The following SEMA6A variants were observed in gnomAD, a reference collection of about 807,000 sequenced individuals.
SEMA6A encodes semaphorin 6A.
SEMA6A carries 25 observed loss-of-function variants against 96.8 expected under a neutral mutation model. That is an observed-to-expected ratio of 0.26 (90% CI 0.19 to 0.36). The LOEUF is 0.36. Among genes scored for constraint, SEMA6A ranks in the 10% least tolerant of loss-of-function variants. The probability of loss-of-function intolerance (pLI) is 1.00; values close to 1 mark genes in which losing one functional copy is unlikely to be tolerated. For missense variants in SEMA6A, 1,363 were observed against 1,323.1 expected (o/e 1.03, Z -0.47); for synonymous variants, 612 against 518.0 (o/e 1.18, Z -2.46).
intron 18 of SEMA6A, among the ~76,000 whole-genome samples, chr5:116,465,639 G>T (rs890232545): frequency 6.6e-6 from 1 of 152,154 alleles, no homozygotes; most frequent in Non-Finnish European, 1.5e-5. Context: ...GAACAATGCC[G>T]AATTTTAAAA....
intron 18 of SEMA6A, 91 bp from the exon 19 acceptor site, chr5:116,447,902 TAGTA>T: frequency 9.4e-7 from 1 of 1,062,456 alleles, no homozygotes; most frequent in Non-Finnish European, 1.3e-6. Flanking sequence ...TTAATAACAG[TAGTA>T]AGTGACAACA....
intron 12 of SEMA6A, 86 bp downstream of exon 12, chr5:116,480,036 C>A: frequency 6.8e-7 from 1 of 1,472,358 alleles, no homozygotes. Context: ...ATGTTTGTGG[C>A]ATTTCAAAGC....
At chr5:116,491,422 TA>T (rs1357112525) in intron 7 of SEMA6A, among the ~76,000 whole-genome samples, 2 of 76,738 alleles carry the variant, frequency 2.6e-5, no homozygotes, top group East Asian at 9.4e-4. Context: ...ATTTTAAATT[TA>T]ATTTTTTTTT....
intron 16 of SEMA6A, among the ~76,000 whole-genome samples, chr5:116,474,228 A>G (rs1202868920): frequency 6.6e-6 from 1 of 152,050 alleles, no homozygotes; most frequent in Non-Finnish European, 1.5e-5. Flanking sequence ...TATGATGAAA[A>G]TAGCTCATTA....
rs76319487 is a variant in SEMA6A, at chr5:116,480,319, C to T, written c.1095-42G>A. The T allele has an allele frequency of 7.5e-3, 12,106 of 1,608,420 alleles. 474 individuals are homozygous for T. The Admixed American group carries it at 0.092, about 12-fold the overall frequency. Reference sequence around the variant, plus strand: ...GGTGAGGAAGGAGGGAGCTTATTTTCTGCCTTATGGCAAATTCTTTGAATG... The same window carrying T: ...GGTGAGGAAGGAGGGAGCTTATTTTTTGCCTTATGGCAAATTCTTTGAATG... On this transcript the variant is annotated intron_variant, in intron 11 of 18. Coordinates refer to ENST00000343348, the MANE Select transcript of SEMA6A (RefSeq NM_020796.5).
At chr5:116,484,625 GA>G (rs199657241) in intron 10 of SEMA6A, among the ~76,000 whole-genome samples, 27 of 146,116 alleles carry the variant, frequency 1.8e-4, no homozygotes, top group Admixed American at 1.2e-3. Context: ...TCCGTCTCAG[GA>G]AAAAAAAAAT....
chr5:116,567,652 A>G (rs1761068609), intron 1 of SEMA6A, among the ~76,000 whole-genome samples: 1 of 152,222 alleles, frequency 6.6e-6, no homozygotes, highest in Non-Finnish European at 1.5e-5. Context: ...GTAAATGGCA[A>G]AACAAATCCA....
intron 1 of SEMA6A, among the ~76,000 whole-genome samples, chr5:116,543,713 T>G (rs1376827584): frequency 1.3e-5 from 2 of 152,174 alleles, no homozygotes; most frequent in Non-Finnish European, 2.9e-5. Context: ...CACTTCCACA[T>G]GCTGACACAA....
At chr5:116,483,211 A>C (rs1252716671) in intron 10 of SEMA6A, among the ~76,000 whole-genome samples, 1 of 152,244 alleles carries the variant, frequency 6.6e-6, no homozygotes, top group Non-Finnish European at 1.5e-5. Context: ...AATAATGGCC[A>C]TCAGCTCCAC....
At chr5:116,503,573 G>A (rs1043588475) in intron 2 of SEMA6A, among the ~76,000 whole-genome samples, 5 of 149,818 alleles carry the variant, frequency 3.3e-5, no homozygotes, top group African/African-American at 4.9e-5. Context: ...GTGCAGTGGT[G>A]TGATCTCGGC....
rs185062956 is a variant in SEMA6A, at chr5:116,567,272, C to A, written c.-39+6913G>T. On this transcript the variant is annotated intron_variant, in intron 1 of 18. Coordinates refer to ENST00000343348, the MANE Select transcript of SEMA6A (RefSeq NM_020796.5). ...ATTCACATGCTTCTCAACTTAAAAC[C>A]CATGACATTATGGCCTGTTTATGGT... Among the ~76,000 whole-genome samples, 637 of 152,136 alleles carry A rather than the reference C, an allele frequency of 4.2e-3. 4 individuals are homozygous for A. The highest frequency in any genetic ancestry group is 0.015 in the African/African-American group (620 of 41,484).
intron 1 of SEMA6A, chr5:116,562,950 C>T (rs1282219875): frequency 2.2e-5 from 13 of 577,890 alleles, no homozygotes; most frequent in Middle Eastern, 2.9e-4. Context: ...GGATAGAGGA[C>T]GTCCCCCCCA....
chr5:116,481,597 A>G (rs1240353593), intron 11 of SEMA6A, among the ~76,000 whole-genome samples: 1 of 152,162 alleles, frequency 6.6e-6, no homozygotes, highest in African/African-American at 2.4e-5. Context: ...AAAAATTAGT[A>G]AGACATTGGG....
At chr5:116,538,967 G>C (rs1016100648) in intron 1 of SEMA6A, among the ~76,000 whole-genome samples, 4 of 152,004 alleles carry the variant, frequency 2.6e-5, no homozygotes, top group African/African-American at 7.3e-5. Flanking sequence ...TAAATTATTG[G>C]AGTTGGCATA....
rs1441480913 is a variant in SEMA6A, at chr5:116,574,535, C to A, written c.-389G>T. On this transcript the variant is annotated 5_prime_UTR_variant, in exon 1 of 19. Transcript: ENST00000343348. ...AAATCCAAATTCCACTTGGATTCCA[C>A]TTCGGTGAGTCCCCTTGGTGGTGTC... 2 of 148,516 alleles carry A rather than the reference C, an allele frequency of 1.3e-5. No individual in the cohort carries two copies. Among genetic ancestry groups the A allele is most frequent in the African/African-American group, 5.0e-5 (2 of 39,890 alleles). 9.2% of individuals were successfully genotyped at this position (148,516 alleles called of 1,614,324 possible).
At chr5:116,571,221 C>T (rs990809741) in intron 1 of SEMA6A, among the ~76,000 whole-genome samples, 2 of 152,140 alleles carry the variant, frequency 1.3e-5, no homozygotes, top group African/African-American at 4.8e-5. Context: ...GTGTTCTATA[C>T]TGGTTCTTAT....
chr5:116,473,583 C>G (rs971391308), intron 16 of SEMA6A, among the ~76,000 whole-genome samples: 4 of 152,158 alleles, frequency 2.6e-5, no homozygotes, highest in Admixed American at 1.3e-4. Context: ...AAAAAACAAA[C>G]CCTTACACAT....
At chr5:116,566,672 G>C (rs1561540425) in intron 1 of SEMA6A, among the ~76,000 whole-genome samples, 1 of 152,196 alleles carries the variant, frequency 6.6e-6, no homozygotes, top group Admixed American at 6.5e-5. Flanking sequence ...GTGCCTTTTA[G>C]AAGTCAGATT....
intron 18 of SEMA6A, among the ~76,000 whole-genome samples, chr5:116,457,347 T>G (rs981778913): frequency 6.6e-6 from 1 of 152,142 alleles, no homozygotes; most frequent in African/African-American, 2.4e-5. Context: ...CCCTATAAAT[T>G]TCTCGACACC....
Sources: allele counts gnomAD v4.1 joint callset (sites outside exome capture counted in the v4.1 genomes callset), GRCh38; gene constraint gnomAD v4.1.1; transcripts MANE v1.5; gene names NCBI Gene and HGNC (gene_info 2026-07-23, HGNC 2026-07-21).